Variants in DPP10 observed in about 807,000 individuals in gnomAD.
DPP10 encodes dipeptidyl peptidase like 10, also known as inactive dipeptidyl peptidase 10.
Under a neutral mutation model 120.9 loss-of-function variants are expected in DPP10, and 33 were observed. That is an observed-to-expected ratio of 0.27 (90% CI 0.21 to 0.37). DPP10 has a LOEUF of 0.37. DPP10 is among the 10% of genes least tolerant of loss of function. DPP10 has a pLI of 1.00. For synonymous variants in DPP10, 337 were observed against 326.1 expected, an observed-to-expected ratio of 1.03 and a Z score of -0.36; for missense variants, 816 against 942.8, an observed-to-expected ratio of 0.87 and a Z score of 1.76.
intron 21 of DPP10, among the ~76,000 whole-genome samples, chr2:115,820,669 G>A (rs1687718644): frequency 6.6e-6 from 1 of 152,054 alleles, no homozygotes; most frequent in South Asian, 2.1e-4. Context: ...ACTTATGAGT[G>A]AGAATATATT....
intron 2 of DPP10, among the ~76,000 whole-genome samples, chr2:115,325,772 G>A (rs1326637531): frequency 6.6e-6 from 1 of 152,060 alleles, no homozygotes; most frequent in Non-Finnish European, 1.5e-5. Context: ...TTTTACAAAT[G>A]TATTTAATGT....
intron 5 of DPP10, among the ~76,000 whole-genome samples, chr2:115,595,765 A>AT (rs371768668): frequency 1.7e-4 from 26 of 151,874 alleles, no homozygotes; most frequent in African/African-American, 6.0e-4. Context: ...TTTATCCATC[A>AT]TTTTTTTCTT....
intron 1 of DPP10, among the ~76,000 whole-genome samples, chr2:114,669,853 A>G (rs1191536884): frequency 2.0e-5 from 3 of 152,138 alleles, no homozygotes; most frequent in African/African-American, 7.2e-5. Context: ...TTTCCTAGTC[A>G]GGGACCCCAT....
intron 1 of DPP10, among the ~76,000 whole-genome samples, chr2:114,883,034 T>C (rs1469328484): frequency 1.3e-5 from 2 of 152,196 alleles, no homozygotes; most frequent in African/African-American, 4.8e-5. Context: ...CTTCCAAAAC[T>C]GTAAGTGAAA....
intron 7 of DPP10, among the ~76,000 whole-genome samples, chr2:115,696,314 T>C (rs1158384724): frequency 6.6e-6 from 1 of 151,978 alleles, no homozygotes; most frequent in Non-Finnish European, 1.5e-5. Context: ...AATCAAACTG[T>C]TGAAAGACAA....
At chr2:114,981,172 T>G (rs190744541) in intron 1 of DPP10, among the ~76,000 whole-genome samples, 89 of 152,274 alleles carry the variant, frequency 5.8e-4, no homozygotes, top group African/African-American at 2.0e-3. Flanking sequence ...TTTCTAAGAA[T>G]AAGTCCTGAA....
intron 17 of DPP10, 65 bp from the exon 18 acceptor site, chr2:115,791,016 G>T: frequency 8.6e-7 from 1 of 1,160,990 alleles, no homozygotes; most frequent in Non-Finnish European, 1.2e-6. Context: ...ATTTTTTGTT[G>T]TGTCACACTG....
chr2:114,520,026 A>G (rs207462187), intron 1 of DPP10, among the ~76,000 whole-genome samples: 4 of 152,228 alleles, frequency 2.6e-5, no homozygotes, highest in African/African-American at 4.8e-5. Context: ...AGAAAATTCT[A>G]CTGAAACAAC....
At chr2:115,142,066 G>A (rs911060279) in intron 1 of DPP10, among the ~76,000 whole-genome samples, 6 of 152,164 alleles carry the variant, frequency 3.9e-5, no homozygotes, top group East Asian at 1.9e-4. Flanking sequence ...GAGCCAGCAC[G>A]TGGGGCTAGG....
chr2:115,576,670 A>T (rs1347994284), intron 5 of DPP10, among the ~76,000 whole-genome samples: 1 of 152,108 alleles, frequency 6.6e-6, no homozygotes, highest in Non-Finnish European at 1.5e-5. Context: ...GAACAAATTG[A>T]TGAGCATTTC....
chr2:114,896,363 C>A (rs182075641), intron 1 of DPP10, among the ~76,000 whole-genome samples: 52 of 152,218 alleles, frequency 3.4e-4, no homozygotes, highest in Non-Finnish European at 6.0e-4. Context: ...TTCTGACCCA[C>A]GAGCATGGAA....
intron 1 of DPP10, among the ~76,000 whole-genome samples, chr2:115,007,840 G>A: frequency 6.7e-6 from 1 of 149,370 alleles, no homozygotes; most frequent in Non-Finnish European, 1.5e-5. Context: ...GCTTCAAAGA[G>A]AATAAAATAC....
intron 1 of DPP10, among the ~76,000 whole-genome samples, chr2:115,082,208 T>A (rs1208582649): frequency 6.6e-6 from 1 of 152,206 alleles, no homozygotes. Flanking sequence ...TTAGGTTAAG[T>A]AAGGTCTTAA....
At chr2:115,304,366 C>T (rs1278607435) in intron 1 of DPP10, among the ~76,000 whole-genome samples, 1 of 151,932 alleles carries the variant, frequency 6.6e-6, no homozygotes, top group Non-Finnish European at 1.5e-5. Flanking sequence ...ACGCTAAGAA[C>T]GAACGTAAAC....
chr2:115,528,037 T>G (rs1050911567), intron 5 of DPP10, among the ~76,000 whole-genome samples: 52 of 152,304 alleles, frequency 3.4e-4, no homozygotes, highest in African/African-American at 1.2e-3. Flanking sequence ...TATGTGTGCA[T>G]GTGTCTTTAT....
chr2:115,345,558 T>A (rs941216864), intron 3 of DPP10, among the ~76,000 whole-genome samples: 1 of 152,174 alleles, frequency 6.6e-6, no homozygotes, highest in African/African-American at 2.4e-5. Flanking sequence ...TGCTGAATAA[T>A]CTTGTTTTAT....
At chr2:115,134,080 A>G (rs2050522579) in intron 1 of DPP10, among the ~76,000 whole-genome samples, 1 of 152,210 alleles carries the variant, frequency 6.6e-6, no homozygotes, top group African/African-American at 2.4e-5. Context: ...TGTTTTTGAG[A>G]ATATCGATCT....
At chr2:115,606,955 A>G (rs2083741799) in intron 5 of DPP10, among the ~76,000 whole-genome samples, 1 of 152,210 alleles carries the variant, frequency 6.6e-6, no homozygotes, top group African/African-American at 2.4e-5. Context: ...GAAGCAGTCA[A>G]ATGCAACCAA....
In DPP10 at chr2:115,128,748, C is replaced by G. The variant is rs538140025; in HGVS notation, c.61-180491C>G. On this transcript the variant is annotated intron_variant, in intron 1 of 25. Transcript: ENST00000410059. The stretch of plus-strand genomic sequence containing the variant: ...TCCATATTTTCTAGTAGAATAATGT[C>G]CTGCAGAAGATAATTTGGGTGATCC... Among the ~76,000 whole-genome samples, 4 of 152,268 alleles carry G rather than the reference C, an allele frequency of 2.6e-5. No individual in the cohort carries two copies. In the East Asian group the frequency reaches 7.7e-4, roughly 29 times the overall value.
Sources: allele counts gnomAD v4.1 joint callset (sites outside exome capture counted in the v4.1 genomes callset), GRCh38; gene constraint gnomAD v4.1.1; transcripts MANE v1.5; gene names NCBI Gene and HGNC (gene_info 2026-07-23, HGNC 2026-07-21).